Variants in MICU3 observed in about 807,000 individuals in gnomAD.
MICU3 encodes calcium uptake protein 3, mitochondrial.
In MICU3, 62 loss-of-function variants were observed where a neutral mutation model predicts 66.5. The observed-to-expected ratio is 0.93, with a 90% CI of 0.76 to 1.15. The LOEUF (loss-of-function observed/expected upper bound fraction) is 1.15. MICU3 is among the 50% of genes most tolerant of loss of function. MICU3 has a pLI of 0.00. For synonymous variants in MICU3, 308 were observed against 240.7 expected (o/e 1.28, Z -2.59); for missense variants, 779 against 664.4 (o/e 1.17, Z -1.90).
chr8:17,093,738 T>G (rs531882960), intron 8 of MICU3, among the ~76,000 whole-genome samples: 1 of 152,080 alleles, frequency 6.6e-6, no homozygotes, highest in Non-Finnish European at 1.5e-5. Flanking sequence ...TCTAGAAATG[T>G]TTTTTGCCGT....
chr8:17,135,423 G>A, the MICU3 span, among the ~76,000 whole-genome samples: 1 of 151,192 alleles, frequency 6.6e-6, no homozygotes, highest in East Asian at 1.9e-4. Context: ...ACATTTTTCC[G>A]TTAGATTTTC....
intron 1 of MICU3, among the ~76,000 whole-genome samples, chr8:17,032,912 T>G (rs550269890): frequency 2.0e-5 from 3 of 152,358 alleles, no homozygotes; most frequent in East Asian, 3.9e-4. Flanking sequence ...TGGTAATCTG[T>G]GATCATTTAT....
At chr8:17,115,113 C>G (rs1401749989) in intron 12 of MICU3, among the ~76,000 whole-genome samples, 32 of 98,500 alleles carry the variant, frequency 3.2e-4, no homozygotes, top group African/African-American at 1.5e-3. Context: ...AGCGAGACTC[C>G]GTCTCAAAAA....
chr8:17,078,673 C>G (rs1010198819), intron 4 of MICU3, among the ~76,000 whole-genome samples: 6 of 151,928 alleles, frequency 3.9e-5, no homozygotes, highest in African/African-American at 1.4e-4. Flanking sequence ...GTACTTCAGC[C>G]TGAAGACAAA....
At chr8:17,097,039 A>T (rs1800782472) in intron 8 of MICU3, among the ~76,000 whole-genome samples, 1 of 150,944 alleles carries the variant, frequency 6.6e-6, no homozygotes, top group East Asian at 1.9e-4. Context: ...GCATGGCTTC[A>T]CAAAGTGAAT....
At chr8:17,028,897 G>A (rs1258130830) in intron 1 of MICU3, among the ~76,000 whole-genome samples, 1 of 152,126 alleles carries the variant, frequency 6.6e-6, no homozygotes, top group Non-Finnish European at 1.5e-5. Context: ...GAACAGATCA[G>A]CAAGGTAGGG....
At chr8:17,062,272 C>T (rs1244574076) in intron 1 of MICU3, among the ~76,000 whole-genome samples, 6 of 152,106 alleles carry the variant, frequency 3.9e-5, no homozygotes, top group African/African-American at 1.2e-4. Context: ...GCCTATGGCA[C>T]CTTTCTTCTA....
intron 3 of MICU3, among the ~76,000 whole-genome samples, chr8:17,076,868 G>T (rs1193644409): frequency 6.6e-6 from 1 of 152,196 alleles, no homozygotes; most frequent in Non-Finnish European, 1.5e-5. Flanking sequence ...TGAGGAGTGG[G>T]TGTCAGATCT....
rs3988341 is a variant in MICU3 at position 17,057,835 on chromosome 8, C to CTTGTTGTTG, written c.382-6227_382-6219dup. ...CTTTTTTTCGTTTTTTGTTGTTGTTCTTGTTGTTGTTGTTGTTGTTGTTGT... is the reference window on the plus strand; with the variant it reads ...CTTTTTTTCGTTTTTTGTTGTTGTTCTTGTTGTTGTTGTTGTTGTTGTTGTTGTTGTTGT... On this transcript the variant is annotated intron_variant, in intron 1 of 14. Coordinates refer to ENST00000318063, the MANE Select transcript of MICU3 (RefSeq NM_181723.3). Among the ~76,000 whole-genome samples, 647 of 150,520 alleles carry CTTGTTGTTG rather than the reference C, an allele frequency of 4.3e-3. 3 individuals carry two copies. The highest frequency in any genetic ancestry group is 6.6e-3 in the Non-Finnish European group (448 of 67,584).
chr8:17,035,679 G>A (rs1812852193), intron 1 of MICU3, among the ~76,000 whole-genome samples: 1 of 152,204 alleles, frequency 6.6e-6, no homozygotes, highest in African/African-American at 2.4e-5. Flanking sequence ...CTTGGGTGAT[G>A]TTAAAGGCAT....
rs1799942103 is a variant in MICU3, at chr8:17,090,551, T to G, written c.855T>G (p.Leu285=). The G allele has an allele frequency of 6.2e-7, 1 of 1,611,656 alleles. No individual in the cohort carries two copies. The highest frequency in any genetic ancestry group is 8.5e-7 in the Non-Finnish European group (1 of 1,178,610). Residue 285 remains leucine (L), a synonymous_variant, in exon 8 of 15, where the codon CTT becomes CTG. Transcript: ENST00000318063. ...GDEEKRAMLR[L]QLYGYHSPTN... is the part of the protein sequence containing the mutation. ...CCCTTTGTGCTCTATGTCAGCGTCT[T>G]CAACTTTATGGATACCATTCTCCTA...
Position 17,086,950 on chromosome 8 carries a change from G to T in MICU3, c.778-14G>T. The T allele has an allele frequency of 3.2e-6, 5 of 1,549,698 alleles. No homozygotes were observed. In the South Asian group the frequency reaches 4.5e-5, roughly 14 times the overall value. ...CTTGTTGGATATTTGATTCTTGATT[G>T]ATTTCTTTGTCAGCTTCAAGAGATA... is the stretch of plus-strand genomic sequence containing the variant. On this transcript the variant is annotated splice_polypyrimidine_tract_variant and intron_variant, in intron 6 of 14. Transcript: ENST00000318063.
chr8:17,129,689 T>C, the MICU3 span, among the ~76,000 whole-genome samples: 1 of 152,134 alleles, frequency 6.6e-6, no homozygotes, highest in Non-Finnish European at 1.5e-5. Context: ...GTAAGTGTAA[T>C]TGGAGATCAA....
intron 6 of MICU3, 49 bp from the exon 7 acceptor site, chr8:17,086,915 C>G: frequency 7.9e-7 from 1 of 1,261,072 alleles, no homozygotes; most frequent in African/African-American, 1.5e-5. Flanking sequence ...TAGATAGGTG[C>G]CCAGAAACTC....
intron 2 of MICU3, among the ~76,000 whole-genome samples, chr8:17,064,883 T>C (rs1259669722): frequency 6.6e-6 from 1 of 152,144 alleles, no homozygotes; most frequent in Non-Finnish European, 1.5e-5. Context: ...GGTACTCTCC[T>C]TTGATACTGT....
chr8:17,030,255 G>C (rs1295473735), intron 1 of MICU3, among the ~76,000 whole-genome samples: 1 of 152,030 alleles, frequency 6.6e-6, no homozygotes, highest in African/African-American at 2.4e-5. Context: ...GATTTTATAA[G>C]CTCTTGCTTT....
At chr8:17,057,792 T>TTAG (rs1202369949) in intron 1 of MICU3, among the ~76,000 whole-genome samples, 2 of 152,156 alleles carry the variant, frequency 1.3e-5, no homozygotes, top group Admixed American at 1.3e-4. Context: ...GGCTTTAAGG[T>TTAG]TAGCTTTCCC....
chr8:17,041,015 G>T (rs750139765), intron 1 of MICU3, among the ~76,000 whole-genome samples: 1 of 152,168 alleles, frequency 6.6e-6, no homozygotes, highest in South Asian at 2.1e-4. Flanking sequence ...ATAGATCAAG[G>T]TGTCTTTTGG....
At chr8:17,095,490 T>A (rs886297214) in intron 8 of MICU3, among the ~76,000 whole-genome samples, 5 of 151,944 alleles carry the variant, frequency 3.3e-5, no homozygotes, top group African/African-American at 1.2e-4. Flanking sequence ...TGTGTGTTTG[T>A]CTGTGTTTAA....
Sources: gnomAD v4.1 joint callset for allele counts (sites outside exome capture counted in the v4.1 genomes callset) on GRCh38, gnomAD v4.1.1 for gene constraint, MANE v1.5 for transcripts, NCBI Gene and HGNC (gene_info 2026-07-23, HGNC 2026-07-21) for gene names.